Variants in ADAMTSL1 observed in about 807,000 individuals in gnomAD.
The protein encoded by ADAMTSL1 is ADAMTS like 1.
In ADAMTSL1, 126 loss-of-function variants were observed where a neutral mutation model predicts 201.8. The observed-to-expected ratio is 0.62, with a 90% CI of 0.54 to 0.72. The LOEUF (loss-of-function observed/expected upper bound fraction) is 0.72, where lower values mean the gene tolerates loss of function less well. ADAMTSL1 is among the 30% of genes least tolerant of loss of function. The pLI is 0.00. For synonymous variants in ADAMTSL1, 1,121 were observed against 903.4 expected (o/e 1.24, Z -4.32); for missense variants, 2,679 against 2,277.8 (o/e 1.18, Z -3.59).
At chr9:18,549,791 C>G (rs10756969) in intron 3 of ADAMTSL1, among the ~76,000 whole-genome samples, 1 of 151,700 alleles carries the variant, frequency 6.6e-6, no homozygotes, top group Non-Finnish European at 1.5e-5. Flanking sequence ...TAGTGACCAA[C>G]GAGTCTATGT....
At position 18,136,539 on chromosome 9, in the gene ADAMTSL1, G is replaced by C. The variant is rs148201709; in HGVS notation, c.88-27323G>C. Among the ~76,000 whole-genome samples the C allele has an allele frequency of 3.3e-3, 501 of 152,190 alleles. 2 individuals are homozygous for C. The highest frequency in any genetic ancestry group is 5.6e-3 in the South Asian group (27 of 4,818). The stretch of plus-strand genomic sequence containing the variant: ...TGAAGTGCTTTAGTAGAGTAGGAAA[G>C]AGAATCACACCGCTATGGCACAGGA... On this transcript the variant is annotated intron_variant, in intron 1 of 29. Coordinates refer to the ADAMTSL1 transcript ENST00000680146.
intron 1 of ADAMTSL1, among the ~76,000 whole-genome samples, chr9:18,496,395 T>C (rs993053980): frequency 5.9e-5 from 9 of 152,238 alleles, no homozygotes; most frequent in African/African-American, 2.2e-4. Context: ...GGATGGTATT[T>C]AAGAGAGAAC....
At chr9:18,211,401 C>G (rs1248463156) in intron 2 of ADAMTSL1, among the ~76,000 whole-genome samples, 1 of 152,118 alleles carries the variant, frequency 6.6e-6, no homozygotes, top group Non-Finnish European at 1.5e-5. Flanking sequence ...AAATGAACAG[C>G]CACCTACAAT....
At chr9:18,167,229 A>G (rs886480777) in intron 2 of ADAMTSL1, among the ~76,000 whole-genome samples, 4 of 152,014 alleles carry the variant, frequency 2.6e-5, no homozygotes, top group African/African-American at 9.7e-5. Flanking sequence ...AAAATTCATT[A>G]AAGAATGAGG....
intron 4 of ADAMTSL1, among the ~76,000 whole-genome samples, chr9:18,586,737 C>G (rs1391641106): frequency 6.6e-6 from 1 of 151,972 alleles, no homozygotes; most frequent in African/African-American, 2.4e-5. Context: ...GGTACTGGTT[C>G]AAGAACAGAC....
chr9:18,829,806 C>CT, intron 22 of ADAMTSL1, 37 bp from the exon 23 acceptor site: 1 of 1,612,868 alleles, frequency 6.2e-7, no homozygotes. Context: ...CAGCCCTGTG[C>CT]TTTAACCTGC....
intron 2 of ADAMTSL1, among the ~76,000 whole-genome samples, chr9:18,238,451 G>C (rs1587374320): frequency 6.6e-6 from 1 of 152,112 alleles, no homozygotes; most frequent in East Asian, 1.9e-4. Flanking sequence ...TGCAGGGTGA[G>C]AGGTTGGGGG....
chr9:18,271,728 C>T (rs1403148118), intron 2 of ADAMTSL1, among the ~76,000 whole-genome samples: 1 of 152,110 alleles, frequency 6.6e-6, no homozygotes, highest in African/African-American at 2.4e-5. Flanking sequence ...ATTTCTAGTT[C>T]CAGTTCCCTG....
chr9:18,761,221 A>G (rs1166835156), intron 16 of ADAMTSL1, among the ~76,000 whole-genome samples: 1 of 152,252 alleles, frequency 6.6e-6, no homozygotes, highest in East Asian at 1.9e-4. Context: ...TAGTAAAAAT[A>G]TCAAGGAAAT....
intron 14 of ADAMTSL1, among the ~76,000 whole-genome samples, chr9:18,708,402 T>C (rs986418803): frequency 1.3e-5 from 2 of 152,224 alleles, no homozygotes; most frequent in African/African-American, 4.8e-5. Context: ...AGCCCTGGTA[T>C]GTTAAAACCT....
chr9:18,476,022 ACATAT>A (rs1821432589), intron 1 of ADAMTSL1, among the ~76,000 whole-genome samples: 2 of 152,252 alleles, frequency 1.3e-5, no homozygotes, highest in Non-Finnish European at 2.9e-5. Flanking sequence ...AGGACTTAAA[ACATAT>A]CATATTTAAA....
chr9:18,379,020 C>T (rs746669210), intron 2 of ADAMTSL1, among the ~76,000 whole-genome samples: 4 of 152,088 alleles, frequency 2.6e-5, no homozygotes, highest in South Asian at 4.1e-4. Context: ...CAGATACTCA[C>T]GAAGGAGTCA....
intron 21 of ADAMTSL1, among the ~76,000 whole-genome samples, chr9:18,821,957 C>G (rs1219060508): frequency 6.6e-6 from 1 of 152,150 alleles, no homozygotes; most frequent in East Asian, 1.9e-4. Flanking sequence ...AGGCACTGGA[C>G]CTTGTAATCA....
intron 7 of ADAMTSL1, among the ~76,000 whole-genome samples, chr9:18,652,106 C>T (rs959023267): frequency 1.3e-5 from 2 of 151,848 alleles, no homozygotes; most frequent in Admixed American, 1.3e-4. Context: ...TATAGATATG[C>T]ACTACAAGCT....
upstream of ADAMTSL1, among the ~76,000 whole-genome samples, chr9:18,470,671 T>C (rs567302202): frequency 7.9e-5 from 12 of 152,322 alleles, no homozygotes; most frequent in African/African-American, 2.9e-4. Flanking sequence ...GCAAGACTTG[T>C]AACGAATTCT....
chr9:18,267,058 G>C (rs2132557655), intron 2 of ADAMTSL1, among the ~76,000 whole-genome samples: 1 of 152,208 alleles, frequency 6.6e-6, no homozygotes, highest in East Asian at 1.9e-4. Context: ...TACTTCATTT[G>C]ATCTGACTTC....
intron 1 of ADAMTSL1, among the ~76,000 whole-genome samples, chr9:18,038,247 C>T (rs1481087985): frequency 2.0e-5 from 3 of 152,126 alleles, no homozygotes; most frequent in Non-Finnish European, 4.4e-5. Flanking sequence ...ATTAATCAGG[C>T]AGCAGCTTGG....
intron 2 of ADAMTSL1, among the ~76,000 whole-genome samples, chr9:18,368,572 C>G (rs1044631438): frequency 6.6e-6 from 1 of 152,198 alleles, no homozygotes; most frequent in Non-Finnish European, 1.5e-5. Context: ...AACTCTTAGA[C>G]AGTAGTGGCA....
intron 2 of ADAMTSL1, among the ~76,000 whole-genome samples, chr9:18,195,015 C>G (rs1829118865): frequency 6.6e-6 from 1 of 152,084 alleles, no homozygotes; most frequent in African/African-American, 2.4e-5. Context: ...AGTAATCAGT[C>G]CTTGTTTCAT....
Sources: gnomAD v4.1 joint callset for allele counts (sites outside exome capture counted in the v4.1 genomes callset) on GRCh38, gnomAD v4.1.1 for gene constraint, MANE v1.5 for transcripts, NCBI Gene and HGNC (gene_info 2026-07-23, HGNC 2026-07-21) for gene names.